The following METTL24 variants were observed in gnomAD, a reference collection of about 807,000 sequenced individuals.
METTL24 encodes the protein probable methyltransferase-like protein 24.
In METTL24, 29 loss-of-function variants were observed where a neutral mutation model predicts 32.7. The observed-to-expected ratio is 0.89, with a 90% CI of 0.66 to 1.21. METTL24 has a LOEUF of 1.21. Ranked by LOEUF, METTL24 falls within the 50% of genes most tolerant of loss-of-function variation. METTL24 has a pLI of 0.00. For synonymous variants in METTL24, 163 were observed against 179.5 expected (o/e 0.91, Z 0.73); for missense variants, 439 against 468.1 (o/e 0.94, Z 0.57).
chr6:110,257,533 G>A (rs967358204), intron 4 of METTL24, among the ~76,000 whole-genome samples: 7 of 152,120 alleles, frequency 4.6e-5, no homozygotes, highest in African/African-American at 1.7e-4. Flanking sequence ...AAGTTCTACT[G>A]GACTGTGCCA....
intron 4 of METTL24, among the ~76,000 whole-genome samples, chr6:110,275,298 C>T (rs1771029090): frequency 6.6e-6 from 1 of 152,008 alleles, no homozygotes; most frequent in African/African-American, 2.4e-5. Context: ...TAAGCCCAAC[C>T]CCCCTTTCTT....
chr6:110,326,104 A>T (rs1419093987), intron 1 of METTL24, among the ~76,000 whole-genome samples: 1 of 151,978 alleles, frequency 6.6e-6, no homozygotes, highest in Non-Finnish European at 1.5e-5. Context: ...GAAACTGGAG[A>T]CCCTCTTCCC....
Position 110,358,151 on chromosome 6 carries a change from G to A in METTL24, c.122C>T (p.Pro41Leu). The change falls in exon 1 of 5, where the codon CCC becomes CTC. Residue 41 changes from proline to leucine, a missense_variant. Coordinates refer to ENST00000338882, the MANE Select transcript of METTL24 (RefSeq NM_001123364.3). ...CGGGCCCGGCGGGGCGCTGCGGGTG[G>A]GGGACCCGGGCCCGGCGCGCCGCAG... ...AELRRAGPGS[P>L]TRSAPPGPAW... is the part of the protein sequence containing the mutation. 3.4e-6 allele frequency: 4 copies of A among 1,184,346 alleles called. No homozygotes were observed. Among genetic ancestry groups the A allele is most frequent in the Non-Finnish European group, 4.2e-6 (4 of 958,902 alleles). 73.4% of individuals were successfully genotyped at this position (1,184,346 alleles called of 1,614,324 possible). A position where few individuals can be genotyped will look rare whatever the true frequency, so the allele number is the denominator to read the frequency against.
chr6:110,325,167 G>A (rs1771996102), intron 1 of METTL24, among the ~76,000 whole-genome samples: 1 of 152,152 alleles, frequency 6.6e-6, no homozygotes, highest in South Asian at 2.1e-4. Flanking sequence ...CCACTTCACT[G>A]TCATGGACCA....
intron 4 of METTL24, among the ~76,000 whole-genome samples, chr6:110,274,766 T>C (rs939103123): frequency 4.7e-5 from 7 of 150,492 alleles, no homozygotes; most frequent in Non-Finnish European, 1.5e-5. Context: ...TTTTACATTT[T>C]GGTAGCTTTT....
chr6:110,321,606 G>T (rs187318202), intron 2 of METTL24, among the ~76,000 whole-genome samples: 6 of 152,114 alleles, frequency 3.9e-5, no homozygotes, highest in Admixed American at 2.0e-4. Flanking sequence ...AATTAAGTCT[G>T]CCTAAGTCCA....
At chr6:110,355,659 G>A (rs1222788882) in intron 1 of METTL24, among the ~76,000 whole-genome samples, 1 of 152,164 alleles carries the variant, frequency 6.6e-6, no homozygotes, top group Non-Finnish European at 1.5e-5. Context: ...TCACACGTCC[G>A]GTTGCCTATT....
chr6:110,270,618 A>G (rs985485317), intron 4 of METTL24, among the ~76,000 whole-genome samples: 1 of 152,182 alleles, frequency 6.6e-6, no homozygotes, highest in African/African-American at 2.4e-5. Flanking sequence ...CACAGCCTAA[A>G]TAACGGCTTC....
At chr6:110,327,645 G>A (rs6915870) in intron 1 of METTL24, among the ~76,000 whole-genome samples, 7,290 of 152,144 alleles carry the variant, frequency 0.048, 394 homozygotes, top group African/African-American at 0.13. Flanking sequence ...CATGGAAACC[G>A]CTAGCTTTTA....
At chr6:110,343,653 A>C (rs1772408265) in intron 1 of METTL24, among the ~76,000 whole-genome samples, 1 of 152,172 alleles carries the variant, frequency 6.6e-6, no homozygotes, top group African/African-American at 2.4e-5. Context: ...TGGAAAAGGG[A>C]TTGATGTGTA....
chr6:110,347,898 A>G (rs1176298184), intron 1 of METTL24, among the ~76,000 whole-genome samples: 1 of 152,248 alleles, frequency 6.6e-6, no homozygotes, highest in Non-Finnish European at 1.5e-5. Flanking sequence ...TAACAAAAAT[A>G]TACTAGTTAT....
At position 110,302,510 on chromosome 6, in the gene METTL24, T is replaced by C. The variant is rs1479301286; in HGVS notation, c.558-3360A>G. On this transcript the variant is annotated intron_variant, in intron 3 of 4. Coordinates refer to ENST00000338882, the MANE Select transcript of METTL24 (RefSeq NM_001123364.3). ...ACACATATGTGTATATATACACATA[T>C]ACACACACATATGTGTATATATACA... is the stretch of plus-strand genomic sequence containing the variant. 2.0e-4 allele frequency among the ~76,000 whole-genome samples: 22 copies of C among 110,080 alleles called. 1 individual carries two copies. In the South Asian group the frequency reaches 2.6e-3, roughly 13 times the overall value. The allele number at this position is 110,080 out of a possible 152,430, so 72.2% of individuals were successfully genotyped here. A position where few individuals can be genotyped will look rare whatever the true frequency, so the allele number is the denominator to read the frequency against.
chr6:110,308,054 C>T lies in METTL24; in HGVS notation c.557+7288G>A, dbSNP rs147543838. Reference sequence around the variant, plus strand: ...AGAATAATAGTGGAGCCATCTTGATCCTCTTTCTCTGATGTCTTAAAGAAA... The same window carrying T: ...AGAATAATAGTGGAGCCATCTTGATTCTCTTTCTCTGATGTCTTAAAGAAA... On this transcript the variant is annotated intron_variant, in intron 3 of 4. Coordinates refer to ENST00000338882, the MANE Select transcript of METTL24 (RefSeq NM_001123364.3). 2.6e-5 allele frequency among the ~76,000 whole-genome samples: 4 copies of T among 152,284 alleles called. No individual in the cohort carries two copies. In the East Asian group the frequency reaches 7.7e-4, roughly 29 times the overall value.
chr6:110,324,595 T>G (rs956056400), intron 1 of METTL24, among the ~76,000 whole-genome samples: 2 of 152,236 alleles, frequency 1.3e-5, no homozygotes, highest in Admixed American at 6.5e-5. Context: ...TGCATTTCAT[T>G]TTATACTGGG....
intron 4 of METTL24, among the ~76,000 whole-genome samples, chr6:110,276,684 G>A (rs1019264344): frequency 6.6e-6 from 1 of 152,118 alleles, no homozygotes; most frequent in African/African-American, 2.4e-5. Context: ...TCAGCAGCAG[G>A]ACCTCCCCCC....
At chr6:110,253,752 C>A (rs1254646754) in intron 4 of METTL24, 1 of 629,070 alleles carries the variant, frequency 1.6e-6, no homozygotes, top group Non-Finnish European at 2.4e-6. Context: ...TTCTAACACA[C>A]GAGCATAACT....
chr6:110,277,582 A>G (rs909558228), intron 4 of METTL24, among the ~76,000 whole-genome samples: 1 of 152,200 alleles, frequency 6.6e-6, no homozygotes, highest in African/African-American at 2.4e-5. Flanking sequence ...TCTAAATGGA[A>G]AAGGCCCTCA....
At chr6:110,254,429 C>T (rs775623385) in intron 4 of METTL24, among the ~76,000 whole-genome samples, 9 of 152,022 alleles carry the variant, frequency 5.9e-5, no homozygotes, top group African/African-American at 7.2e-5. Context: ...GCCAGGAGTT[C>T]GAGACCAGCC....
chr6:110,321,254 A>AGAAAT (rs1771925611), intron 2 of METTL24, among the ~76,000 whole-genome samples: 1 of 152,158 alleles, frequency 6.6e-6, no homozygotes. Context: ...AGAAAAGAAA[A>AGAAAT]GAAAAGAAAA....
Sources: allele counts gnomAD v4.1 joint callset (sites outside exome capture counted in the v4.1 genomes callset), GRCh38; gene constraint gnomAD v4.1.1; transcripts MANE v1.5; gene names NCBI Gene and HGNC (gene_info 2026-07-23, HGNC 2026-07-21).